Variants in XRCC5 observed in about 807,000 individuals in gnomAD.
XRCC5 encodes the protein X-ray repair cross complementing 5.
Under a neutral mutation model 95.7 loss-of-function variants are expected in XRCC5, and 12 were observed. That is an observed-to-expected ratio of 0.13 (90% confidence interval 0.08 to 0.20). The LOEUF is 0.20. Ranked by LOEUF, XRCC5 falls within the 10% of genes least tolerant of loss-of-function variation. The pLI, the probability that XRCC5 is intolerant of heterozygous loss-of-function variation, is 1.00. For synonymous variants in XRCC5, 281 were observed against 290.3 expected, an observed-to-expected ratio of 0.97 and a Z score of 0.33; for missense variants, 595 against 873.9, an observed-to-expected ratio of 0.68 and a Z score of 4.02.
chr2:216,203,581 C>T (rs982863203), intron 19 of XRCC5, among the ~76,000 whole-genome samples: 2 of 152,256 alleles, frequency 1.3e-5, no homozygotes, highest in African/African-American at 4.8e-5. Flanking sequence ...CCTAGATCCT[C>T]ACAGACTTCA....
At chr2:216,119,828 C>T (rs1028470760) in intron 5 of XRCC5, among the ~76,000 whole-genome samples, 2 of 152,166 alleles carry the variant, frequency 1.3e-5, no homozygotes, top group Non-Finnish European at 2.9e-5. Flanking sequence ...TGTTATATCC[C>T]TAACAAAAAT....
At chr2:216,179,465 A>G (rs930418881) in intron 16 of XRCC5, among the ~76,000 whole-genome samples, 2 of 152,186 alleles carry the variant, frequency 1.3e-5, no homozygotes, top group Non-Finnish European at 2.9e-5. Flanking sequence ...TGACAGCACT[A>G]TAGAGAAAAG....
intron 9 of XRCC5, among the ~76,000 whole-genome samples, chr2:216,131,612 G>T (rs894190491): frequency 3.9e-5 from 6 of 151,974 alleles, no homozygotes; most frequent in Non-Finnish European, 5.9e-5. Context: ...ACTTATTTTT[G>T]ATTTAATTTC....
At chr2:216,134,431 G>GT (rs780804346) in intron 10 of XRCC5, among the ~76,000 whole-genome samples, 2,119 of 125,412 alleles carry the variant, frequency 0.017, 47 homozygotes, top group Admixed American at 0.071. Flanking sequence ...TTTTTTTTTT[G>GT]TTTTTTTTTT....
At position 216,191,341 on chromosome 2, in the gene XRCC5, A is replaced by T. The variant is rs563805035; in HGVS notation, c.1944+1007A>T. Reference sequence around the variant, plus strand: ...ATCTCTTAAAAAAAATAAAAGAGAGACAAGAGAAGCAGAAGAGACTTCAGT... The same window carrying T: ...ATCTCTTAAAAAAAATAAAAGAGAGTCAAGAGAAGCAGAAGAGACTTCAGT... On this transcript the variant is annotated intron_variant, in intron 17 of 20. Coordinates refer to ENST00000392132, the MANE Select transcript of XRCC5 (RefSeq NM_021141.4). Among the ~76,000 whole-genome samples, 3 of 152,268 alleles carry T rather than the reference A, an allele frequency of 2.0e-5. No individual in the cohort carries two copies. In the East Asian group the frequency reaches 5.8e-4, roughly 29 times the overall value.
At chr2:216,150,418 A>T (rs906430651) in intron 14 of XRCC5, among the ~76,000 whole-genome samples, 3 of 152,208 alleles carry the variant, frequency 2.0e-5, no homozygotes, top group African/African-American at 7.2e-5. Flanking sequence ...AACGACAGGG[A>T]TACATTCTGA....
intron 14 of XRCC5, among the ~76,000 whole-genome samples, chr2:216,157,613 T>C (rs907951866): frequency 1.3e-5 from 2 of 152,252 alleles, no homozygotes; most frequent in African/African-American, 4.8e-5. Flanking sequence ...ACTTCAATTT[T>C]TATTTGGCTG....
intron 16 of XRCC5, among the ~76,000 whole-genome samples, chr2:216,174,062 GT>G (rs1689222879): frequency 1.3e-5 from 2 of 152,126 alleles, no homozygotes; most frequent in Admixed American, 1.3e-4. Flanking sequence ...GAGTTAGGAA[GT>G]TTCCTTCTCT....
At chr2:216,161,023 T>C (rs1299770809) in intron 15 of XRCC5, among the ~76,000 whole-genome samples, 1 of 152,148 alleles carries the variant, frequency 6.6e-6, no homozygotes, top group Non-Finnish European at 1.5e-5. Flanking sequence ...GCAGCATTAG[T>C]GTGAATCAAC....
chr2:216,156,682 C>CTA, intron 14 of XRCC5: 1 of 543,886 alleles, frequency 1.8e-6, no homozygotes, highest in South Asian at 1.4e-5. Context: ...TGCAATTATT[C>CTA]TACCACCTTC....
intron 13 of XRCC5, 111 bp downstream of exon 13, chr2:216,141,430 C>G: frequency 1.8e-6 from 2 of 1,096,822 alleles, no homozygotes; most frequent in Non-Finnish European, 1.3e-6. Context: ...TCTGAAGGCC[C>G]CATTTGCTCT....
intron 8 of XRCC5, among the ~76,000 whole-genome samples, chr2:216,129,366 A>G (rs1458268367): frequency 1.3e-5 from 2 of 152,216 alleles, no homozygotes; most frequent in Non-Finnish European, 2.9e-5. Context: ...AGGGACCAGT[A>G]TACACATGTG....
In XRCC5 at chr2:216,160,085, C is replaced by T. The variant is rs945588061; in HGVS notation, c.1688C>T (p.Thr563Ile). ...IFQDNHEDGPTAKKLKTEQGG... is the reference protein window; with the variant it reads ...IFQDNHEDGPIAKKLKTEQGG... ...TTTTCTAGCCATGAAGATGGACCTA[C>T]AGCTAAAAAATTAAAGACTGAGCAA... The change falls in exon 15 of 21, where the codon ACA becomes ATA. Residue 563 changes from threonine to isoleucine, a missense_variant. Physicochemically the swap from Thr to Ile is moderately conservative, Grantham distance 89. Around this residue, in one of 2 missense-constraint regions of XRCC5, gnomAD observed 309 missense variants for 382.9 expected, o/e 0.81. Transcript: ENST00000392132. The T allele has an allele frequency of 3.1e-6, 5 of 1,597,858 alleles. No homozygotes were observed. The highest frequency in any genetic ancestry group is 4.3e-6 in the Non-Finnish European group (5 of 1,171,764).
chr2:216,116,310 T>C (rs898389095), intron 2 of XRCC5, among the ~76,000 whole-genome samples: 8 of 152,130 alleles, frequency 5.3e-5, no homozygotes, highest in African/African-American at 1.9e-4. Context: ...ACCTTAGACA[T>C]TCCATAAAGA....
chr2:216,144,251 G>C lies in XRCC5; in HGVS notation c.1476+2932G>C, dbSNP rs540371678. Among the ~76,000 whole-genome samples the C allele has an allele frequency of 9.4e-4, 143 of 152,316 alleles. 2 individuals carry two copies. Among genetic ancestry groups the C allele is most frequent in the African/African-American group, 3.3e-3 (138 of 41,570 alleles). ...CATGCAAAATAAATAACATGGAAAA[G>C]CATGAAAATATGAAGAGCCAGGATG... On this transcript the variant is annotated intron_variant, in intron 13 of 20. Coordinates refer to ENST00000392132, the MANE Select transcript of XRCC5 (RefSeq NM_021141.4).
intron 16 of XRCC5, among the ~76,000 whole-genome samples, chr2:216,177,350 C>G (rs376879768): frequency 6.6e-6 from 1 of 152,152 alleles, no homozygotes; most frequent in East Asian, 1.9e-4. Flanking sequence ...GCTAAACCAG[C>G]TTGGGTCATG....
intron 1 of XRCC5, 28 bp from the exon 2 acceptor site, chr2:216,112,988 C>G (rs760673986): frequency 6.4e-7 from 1 of 1,571,892 alleles, no homozygotes; most frequent in South Asian, 1.1e-5. Flanking sequence ...CTTATTTTCT[C>G]AAACACTCTT....
chr2:216,168,539 C>A (rs578095063), intron 16 of XRCC5, among the ~76,000 whole-genome samples: 7 of 152,208 alleles, frequency 4.6e-5, no homozygotes, highest in Non-Finnish European at 8.8e-5. Context: ...TCTTACCCAG[C>A]CTTTAAAATC....
intron 17 of XRCC5, 40 bp from the exon 18 acceptor site, chr2:216,192,599 T>C: frequency 6.8e-7 from 1 of 1,468,866 alleles, no homozygotes; most frequent in Non-Finnish European, 9.2e-7. Context: ...TTGTGTTTGC[T>C]CTGACTTGCT....
Sources: allele counts gnomAD v4.1 joint callset (sites outside exome capture counted in the v4.1 genomes callset), GRCh38; gene constraint gnomAD v4.1.1; regional missense constraint gnomAD v4.1.1; transcripts MANE v1.5; gene names NCBI Gene and HGNC (gene_info 2026-07-23, HGNC 2026-07-21).